Variants in PECAM1 observed in about 807,000 individuals in gnomAD.
The protein encoded by PECAM1 is platelet endothelial cell adhesion molecule.
PECAM1 carries 8 observed loss-of-function variants against 13.8 expected under a neutral mutation model. The observed-to-expected ratio is 0.58, with a 90% CI of 0.34 to 1.05. The LOEUF is 1.05. Ranked by LOEUF, PECAM1 falls within the 50% of genes least tolerant of loss-of-function variation. The probability of loss-of-function intolerance (pLI) is 0.03; values close to 1 mark genes in which losing one functional copy is unlikely to be tolerated. For synonymous variants in PECAM1, 136 were observed against 52.6 expected, an observed-to-expected ratio of 2.58 and a Z score of -6.86; for missense variants, 304 against 141.2, an observed-to-expected ratio of 2.15 and a Z score of -5.84.
chr17:64,371,831 AAAAT>A (rs1230167492), intron 4 of PECAM1, among the ~76,000 whole-genome samples: 2 of 152,166 alleles, frequency 1.3e-5, no homozygotes, highest in Admixed American at 6.5e-5. Flanking sequence ...CTCCATCTCA[AAAAT>A]AAATAAATAA....
chr17:64,363,637 C>A (rs1389402061), intron 5 of PECAM1, among the ~76,000 whole-genome samples: 2 of 152,228 alleles, frequency 1.3e-5, no homozygotes, highest in East Asian at 3.9e-4. Flanking sequence ...ATTTCAATGA[C>A]AAGGATTAGA....
At chr17:64,354,880 TG>T in intron 9 of PECAM1, 52 bp downstream of exon 9, 1 of 474,014 alleles carries the variant, frequency 2.1e-6, no homozygotes, top group Admixed American at 3.2e-5. Context: ...CATCCCTGGC[TG>T]GTTTCCTGGC....
intron 14 of PECAM1, among the ~76,000 whole-genome samples, chr17:64,338,618 C>T (rs926929302): frequency 2.6e-5 from 4 of 152,058 alleles, no homozygotes; most frequent in African/African-American, 4.8e-5. Context: ...AGTGCAATAG[C>T]GTGATCTCGG....
chr17:64,337,154 C>T (rs2035301300), intron 14 of PECAM1, among the ~76,000 whole-genome samples: 1 of 152,146 alleles, frequency 6.6e-6, no homozygotes, highest in African/African-American at 2.4e-5. Flanking sequence ...CAGCTGCAGG[C>T]CCCGAGGGCT....
At position 64,321,208 on chromosome 17, in the gene PECAM1, G is replaced by A. The variant is rs7213889; in HGVS notation, c.*2608C>T. On this transcript the variant is annotated 3_prime_UTR_variant, in exon 16 of 16. Transcript: ENST00000563924. ...GCTAAGGACCATTTTAAGTCCTTCA[G>A]TGACCGATTACCACATGAGAACACA... The A allele has an allele frequency of 0.7, 106,472 of 152,786 alleles. 37,116 individuals are homozygous for A. The highest frequency in any genetic ancestry group is 0.74 in the Admixed American group (11,306 of 15,272). The allele number at this position is 152,786 out of a possible 1,614,324, so 9.5% of individuals were successfully genotyped here. A position where few individuals can be genotyped will look rare whatever the true frequency, so the allele number is the denominator to read the frequency against.
chr17:64,355,813 G>T (rs2035833005), intron 8 of PECAM1, among the ~76,000 whole-genome samples: 2 of 152,150 alleles, frequency 1.3e-5, no homozygotes. Flanking sequence ...AATCCCCTTG[G>T]CTACAGGTGG....
intron 14 of PECAM1, among the ~76,000 whole-genome samples, chr17:64,332,033 A>G (rs1289974394): frequency 6.6e-6 from 1 of 152,136 alleles, no homozygotes; most frequent in African/African-American, 2.4e-5. Flanking sequence ...CGGGGGTCAC[A>G]ATCCTTCTGT....
rs990988906 is a variant in PECAM1 at position 64,351,669 on chromosome 17, T to C, written c.1990+721A>G. Among the ~76,000 whole-genome samples, 626 of 152,062 alleles carry C rather than the reference T, an allele frequency of 4.1e-3. 3 individuals are homozygous for C. Among genetic ancestry groups the C allele is most frequent in the Non-Finnish European group, 7.3e-3 (496 of 67,978 alleles). On this transcript the variant is annotated intron_variant, in intron 11 of 15. Coordinates refer to ENST00000563924, the MANE Select transcript of PECAM1 (RefSeq NM_000442.5). ...GGTAGAGGCTGCAGTGAGCTGAGAT[T>C]GCACCACTGCACTCCAGCCTGGGAA...
intron 14 of PECAM1, among the ~76,000 whole-genome samples, chr17:64,336,195 G>A (rs2035270327): frequency 6.6e-6 from 1 of 151,908 alleles, no homozygotes. Context: ...GAACCCGGGA[G>A]CTGGAGGTTG....
At chr17:64,349,023 C>T (rs1405006656) in intron 12 of PECAM1, among the ~76,000 whole-genome samples, 1 of 152,102 alleles carries the variant, frequency 6.6e-6, no homozygotes, top group African/African-American at 2.4e-5. Flanking sequence ...TTCAGTCTCA[C>T]TCAAGATGCT....
rs2036197940 is a variant in PECAM1 at position 64,369,736 on chromosome 17, A to G, written c.967+14T>C. ...CCGCCATATGCCAACACCCTCCCGC[A>G]GCAGCAGCCCTACCTGTTATGTTGA... On this transcript the variant is annotated intron_variant, in intron 5 of 15. Coordinates refer to ENST00000563924, the MANE Select transcript of PECAM1 (RefSeq NM_000442.5). The G allele has an allele frequency of 1.0e-5, 4 of 398,532 alleles. No individual in the cohort carries two copies. Among genetic ancestry groups the G allele is most frequent in the Non-Finnish European group, 1.8e-5 (4 of 226,098 alleles). The allele number at this position is 398,532 out of a possible 1,614,324, so 24.7% of individuals were successfully genotyped here. A position where few individuals can be genotyped will look rare whatever the true frequency, so the allele number is the denominator to read the frequency against.
intron 7 of PECAM1, among the ~76,000 whole-genome samples, chr17:64,358,488 T>C (rs2070314675): frequency 6.6e-6 from 1 of 152,180 alleles, no homozygotes; most frequent in Non-Finnish European, 1.5e-5. Context: ...TTCAGCCATC[T>C]TCAGCCTTCT....
chr17:64,369,242 A>G (rs2036183663), intron 5 of PECAM1, among the ~76,000 whole-genome samples: 2 of 151,990 alleles, frequency 1.3e-5, no homozygotes, highest in Non-Finnish European at 2.9e-5. Context: ...CCATGTTATC[A>G]TTATTTTTGA....
At position 64,329,681 on chromosome 17, in the gene PECAM1, AT is replaced by A. The variant is rs1568002069; in HGVS notation, c.2187+18del. The A allele has an allele frequency of 1.3e-6, 1 of 757,642 alleles. No homozygotes were observed. The highest frequency in any genetic ancestry group is 1.8e-5 in the Admixed American group (1 of 55,244). The allele number at this position is 757,642 out of a possible 1,614,324, so 46.9% of individuals were successfully genotyped here. On this transcript the variant is annotated intron_variant, in intron 15 of 15. Transcript: ENST00000563924. ...AGTGGAGTACTTTTAAATATAATGT[AT>A]ATGAAATGTGTACTTACAGAGTATC... is the stretch of plus-strand genomic sequence containing the variant.
rs919530225 is a variant in PECAM1, at chr17:64,360,273, A to G, written c.1359T>C (p.Asn453=). ...QLLKTSKVLE[N]STKNSNDPAV... The stretch of plus-strand genomic sequence containing the variant: ...CAGGATCATTTGAGTTCTTGGTACT[A>G]TTCTCCAAAACTTTACTTGTTTTTA... The change falls in exon 7 of 16, where the codon AAT becomes AAC. Residue 453 remains asparagine (N), a synonymous_variant. Transcript: ENST00000563924. 2 of 475,394 alleles carry G rather than the reference A, an allele frequency of 4.2e-6. No homozygotes were observed. The highest frequency in any genetic ancestry group is 7.7e-6 in the Non-Finnish European group (2 of 259,048). 29.4% of individuals were successfully genotyped at this position (475,394 alleles called of 1,614,324 possible).
chr17:64,371,499 C>A (rs1392847701), intron 4 of PECAM1, among the ~76,000 whole-genome samples: 1 of 151,874 alleles, frequency 6.6e-6, no homozygotes, highest in Non-Finnish European at 1.5e-5. Flanking sequence ...ATGGTGAGAC[C>A]CTCCATCTCA....
chr17:64,327,825 G>A (rs773229040), intron 15 of PECAM1, among the ~76,000 whole-genome samples: 2 of 152,108 alleles, frequency 1.3e-5, no homozygotes, highest in Non-Finnish European at 2.9e-5. Context: ...CAGAGGCAAC[G>A]GCCATTAAAC....
At chr17:64,385,697 T>A (rs948763831) in intron 2 of PECAM1, among the ~76,000 whole-genome samples, 1 of 151,970 alleles carries the variant, frequency 6.6e-6, no homozygotes, top group Non-Finnish European at 1.5e-5. Context: ...GTGATATCAG[T>A]AAGCACCAAG....
rs118195180 is a variant in PECAM1, at chr17:64,387,408, T to G, written c.91+3081A>C. Among the ~76,000 whole-genome samples the G allele has an allele frequency of 3.6e-3, 552 of 151,440 alleles. 2 individuals are homozygous for G. The highest frequency in any genetic ancestry group is 6.8e-3 in the Middle Eastern group (2 of 294). On this transcript the variant is annotated intron_variant, in intron 2 of 15. Transcript: ENST00000563924. ...GAGAAAGGAAACTAGAAAGGCCAGA[T>G]AGGGGGACACCAGATAAACGGTGGG...
Sources: allele counts gnomAD v4.1 joint callset (sites outside exome capture counted in the v4.1 genomes callset), GRCh38; gene constraint gnomAD v4.1.1; transcripts MANE v1.5; gene names NCBI Gene and HGNC (gene_info 2026-07-23, HGNC 2026-07-21).